ADAMTS18: variants seen among roughly 807,000 people sequenced by gnomAD.
The protein encoded by ADAMTS18 is A disintegrin and metalloproteinase with thrombospondin motifs 18.
A neutral mutation model predicts 165.9 loss-of-function variants in ADAMTS18; 157 were observed. That is an observed-to-expected ratio of 0.95 (90% CI 0.83 to 1.08). ADAMTS18 has a LOEUF of 1.08. Among genes scored for constraint, ADAMTS18 ranks in the 50% least tolerant of loss-of-function variants. ADAMTS18 has a pLI of 0.00. For synonymous variants in ADAMTS18, 782 were observed against 578.2 expected (o/e 1.35, Z -5.06); for missense variants, 2,040 against 1,534.0 (o/e 1.33, Z -5.51).
intron 10 of ADAMTS18, among the ~76,000 whole-genome samples, chr16:77,344,940 C>A (rs1212290563): frequency 6.6e-6 from 1 of 152,058 alleles, no homozygotes; most frequent in African/African-American, 2.4e-5. Flanking sequence ...TGTACCTCCC[C>A]CCTCTTTTTA....
In ADAMTS18 at chr16:77,295,053, A is replaced by C; in HGVS notation, c.2876T>G (p.Val959Gly). 1 of 1,614,184 alleles carries C rather than the reference A, an allele frequency of 6.2e-7. No homozygotes were observed. The stretch of plus-strand genomic sequence containing the variant: ...CTCCTTTTGGAAGGGCTTCTTTTGC[A>C]CACACTGGATCTTTCGGCTCTGCTG... ...GGQQSRKIQC[V>G]QKKPFQKEEA... Residue 959 changes from valine to glycine, a missense_variant, in exon 19 of 23, where the codon GTG becomes GGG. Val to Gly is a moderately radical substitution (Grantham distance 109, BLOSUM62 -3). Coordinates refer to ENST00000282849, the MANE Select transcript of ADAMTS18 (RefSeq NM_199355.4).
intron 3 of ADAMTS18, among the ~76,000 whole-genome samples, chr16:77,402,418 G>A (rs1240378394): frequency 6.6e-6 from 1 of 152,142 alleles, no homozygotes; most frequent in Non-Finnish European, 1.5e-5. Flanking sequence ...ACCCTTCTAC[G>A]TGTGTTAGGT....
chr16:77,342,269 G>T (rs1373932046), intron 10 of ADAMTS18, among the ~76,000 whole-genome samples: 2 of 152,168 alleles, frequency 1.3e-5, no homozygotes, highest in African/African-American at 2.4e-5. Context: ...TGACTCTATA[G>T]ACTTATTCTC....
intron 7 of ADAMTS18, among the ~76,000 whole-genome samples, chr16:77,361,654 C>T (rs902923519): frequency 2.0e-5 from 3 of 152,116 alleles, no homozygotes; most frequent in Admixed American, 6.5e-5. Flanking sequence ...GAGACCAAGG[C>T]GGGCGGAACA....
At chr16:77,418,309 A>G (rs948075427) in intron 3 of ADAMTS18, among the ~76,000 whole-genome samples, 2 of 152,174 alleles carry the variant, frequency 1.3e-5, no homozygotes, top group Non-Finnish European at 2.9e-5. Context: ...ATAAACTCAT[A>G]TAAGTGCACT....
At position 77,289,300 on chromosome 16, in the gene ADAMTS18, A is replaced by G. The variant is rs1163878276; in HGVS notation, c.3514T>C (p.Cys1172Arg). Residue 1172 changes from cysteine to arginine, a missense_variant, in exon 22 of 23, where the codon TGT (cysteine) becomes CGT (arginine). By Grantham distance (180) the Cys-to-Arg change is radical. Transcript: ENST00000282849. ...GGAGCTGGACAGAAGTTTGTATTACAGGCTCGTAGCACCGGAGGTTTCTGA... is the reference window on the plus strand; with the variant it reads ...GGAGCTGGACAGAAGTTTGTATTACGGGCTCGTAGCACCGGAGGTTTCTGA... ...LHQKPPVLRACNTNFCPAPEK... is the reference protein window; with the variant it reads ...LHQKPPVLRARNTNFCPAPEK... 1 of 1,614,152 alleles carries G rather than the reference A, an allele frequency of 6.2e-7. No homozygotes were observed. The highest frequency in any genetic ancestry group is 1.1e-5 in the South Asian group (1 of 91,084).
Position 77,410,229 on chromosome 16 carries a change from T to C in ADAMTS18, c.495+21066A>G, listed in dbSNP as rs183865082. Among the ~76,000 whole-genome samples the C allele has an allele frequency of 3.4e-4, 52 of 152,134 alleles. 1 individual carries two copies. The highest frequency in any genetic ancestry group is 3.4e-3 in the Middle Eastern group (1 of 294). The stretch of plus-strand genomic sequence containing the variant: ...TTACTCTATGATATTTTCTTTCTTA[T>C]TAATGTTGGTCATAACCAACTGAAT... On this transcript the variant is annotated intron_variant, in intron 3 of 22. Transcript: ENST00000282849.
chr16:77,325,805 T>C, intron 13 of ADAMTS18, 61 bp downstream of exon 13: 1 of 1,515,362 alleles, frequency 6.6e-7, no homozygotes. Context: ...TTCTTCTGTA[T>C]TGGTCAATCA....
intron 8 of ADAMTS18, 87 bp from the exon 9 acceptor site, chr16:77,356,164 C>T (rs2056627586): frequency 1.3e-6 from 2 of 1,563,362 alleles, no homozygotes; most frequent in Non-Finnish European, 1.8e-6. Context: ...ATGTATTGAT[C>T]ATCAACAAAA....
chr16:77,314,079 AAC>A (rs1256343228), intron 16 of ADAMTS18, among the ~76,000 whole-genome samples: 3 of 152,154 alleles, frequency 2.0e-5, no homozygotes, highest in African/African-American at 7.2e-5. Context: ...GGGCTGGAAG[AAC>A]ATTTCCTAAT....
rs774773370 is a variant in ADAMTS18 at position 77,431,483 on chromosome 16, C to T, written c.307G>A (p.Ala103Thr). The change falls in exon 3 of 23, where the codon GCA (alanine) becomes ACA (threonine). Residue 103 changes from alanine (A) to threonine (T), a missense_variant. Transcript: ENST00000282849. ...TCTAAGTGCAGTTCCTGTCCAAATG[C>T]TGAAAATCGGTAGTGCAGGGAGCTT... The part of the protein sequence containing the change: ...ARSSLHYRFS[A>T]FGQELHLELK... The T allele has an allele frequency of 6.2e-7, 1 of 1,614,188 alleles. No individual in the cohort carries two copies. The highest frequency in any genetic ancestry group is 2.2e-5 in the East Asian group (1 of 44,882).
chr16:77,330,307 T>C (rs1162434025), intron 12 of ADAMTS18, among the ~76,000 whole-genome samples: 1 of 152,176 alleles, frequency 6.6e-6, no homozygotes, highest in Admixed American at 6.5e-5. Flanking sequence ...CTAATAATTT[T>C]CTTGGAGAGT....
chr16:77,323,432 T>C (rs1209699526), intron 13 of ADAMTS18, among the ~76,000 whole-genome samples: 1 of 152,226 alleles, frequency 6.6e-6, no homozygotes, highest in Non-Finnish European at 1.5e-5. Flanking sequence ...CTCCCATCTA[T>C]AATTTTTTTT....
intron 3 of ADAMTS18, among the ~76,000 whole-genome samples, chr16:77,393,344 C>G (rs1270701186): frequency 6.6e-6 from 1 of 152,180 alleles, no homozygotes; most frequent in African/African-American, 2.4e-5. Flanking sequence ...GGGAAGCAGG[C>G]TGGTTTGAGC....
chr16:77,351,240 C>G (rs1333926128), intron 10 of ADAMTS18, among the ~76,000 whole-genome samples: 1 of 152,182 alleles, frequency 6.6e-6, no homozygotes, highest in African/African-American at 2.4e-5. Flanking sequence ...CTCCATTAAC[C>G]TCATCACCAT....
At chr16:77,414,595 G>A (rs1440430287) in intron 3 of ADAMTS18, among the ~76,000 whole-genome samples, 5 of 151,980 alleles carry the variant, frequency 3.3e-5, no homozygotes, top group East Asian at 1.9e-4. Flanking sequence ...ACTGTACAGC[G>A]CTAGCCTGAA....
At chr16:77,285,274 A>G (rs185938651) in intron 22 of ADAMTS18, among the ~76,000 whole-genome samples, 6 of 152,210 alleles carry the variant, frequency 3.9e-5, no homozygotes, top group Admixed American at 3.3e-4. Context: ...ATGTATTCAA[A>G]TGGTTCTCCT....
chr16:77,346,919 A>C (rs1457960900), intron 10 of ADAMTS18, among the ~76,000 whole-genome samples: 1 of 152,212 alleles, frequency 6.6e-6, no homozygotes, highest in Non-Finnish European at 1.5e-5. Context: ...CATTCAAGGC[A>C]GAATATTTCC....
In ADAMTS18 at chr16:77,325,947, G is replaced by A. The variant is rs867875220; in HGVS notation, c.1951C>T (p.Arg651Trp). ...NPCNENSLDF[R>W]AQQCAEYNSK... ...TTATATTCTGCACACTGTTGAGCCC[G>A]AAAATCCAAGCTATTTTCATTGCAA... The change falls in exon 13 of 23, where the codon CGG becomes TGG. Residue 651 changes from arginine to tryptophan, a missense_variant. By Grantham distance (101) the Arg-to-Trp change is moderately radical. Transcript: ENST00000282849. The A allele has an allele frequency of 4.3e-6, 7 of 1,614,028 alleles. No homozygotes were observed. The highest frequency in any genetic ancestry group is 2.2e-5 in the East Asian group (1 of 44,868).
Sources: allele counts gnomAD v4.1 joint callset (sites outside exome capture counted in the v4.1 genomes callset), GRCh38; gene constraint gnomAD v4.1.1; transcripts MANE v1.5; gene names NCBI Gene and HGNC (gene_info 2026-07-23, HGNC 2026-07-21).